The following PPP2R2B variants were observed in gnomAD, a reference collection of about 807,000 sequenced individuals.
The protein encoded by PPP2R2B is protein phosphatase 2 regulatory subunit Bbeta.
A neutral mutation model predicts 46.0 loss-of-function variants in PPP2R2B; 5 were observed. The ratio of observed to expected loss-of-function variants is 0.11; its 90% CI spans 0.06 to 0.23. The LOEUF (loss-of-function observed/expected upper bound fraction) is 0.23, where lower values mean the gene tolerates loss of function less well. PPP2R2B is among the 10% of genes least tolerant of loss of function. The pLI, the probability that PPP2R2B is intolerant of heterozygous loss-of-function variation, is 1.00. For synonymous variants in PPP2R2B, 215 were observed against 206.7 expected (o/e 1.04, Z -0.34); for missense variants, 367 against 575.0 (o/e 0.64, Z 3.70).
At chr5:146,599,638 T>A (rs1470987658) in intron 8 of PPP2R2B, among the ~76,000 whole-genome samples, 2 of 152,214 alleles carry the variant, frequency 1.3e-5, no homozygotes, top group Non-Finnish European at 2.9e-5. Context: ...ACACCAGGCC[T>A]TTGAACACAC....
intron 7 of PPP2R2B, among the ~76,000 whole-genome samples, chr5:146,600,683 CG>C (rs937829279): frequency 5.6e-4 from 85 of 152,178 alleles, no homozygotes; most frequent in African/African-American, 1.9e-3. Context: ...GCATGGGACC[CG>C]TCCCATCATA....
At chr5:146,683,930 G>A (rs1271349988) in intron 5 of PPP2R2B, among the ~76,000 whole-genome samples, 2 of 152,182 alleles carry the variant, frequency 1.3e-5, no homozygotes, top group East Asian at 3.8e-4. Context: ...CACTTTCAGG[G>A]CAGTCAATCA....
chr5:146,597,498 C>A (rs532207077), intron 8 of PPP2R2B, among the ~76,000 whole-genome samples: 1 of 152,284 alleles, frequency 6.6e-6, no homozygotes, highest in South Asian at 2.1e-4. Flanking sequence ...ATATATTCAA[C>A]AAGCTTGCCT....
At chr5:146,954,692 A>C (rs1203774356) in intron 1 of PPP2R2B, among the ~76,000 whole-genome samples, 2 of 152,024 alleles carry the variant, frequency 1.3e-5, no homozygotes, top group African/African-American at 4.8e-5. Flanking sequence ...GAGAGCCGAG[A>C]TCTTTAGAGA....
At chr5:146,596,594 G>A (rs1383954831) in intron 8 of PPP2R2B, among the ~76,000 whole-genome samples, 1 of 152,124 alleles carries the variant, frequency 6.6e-6, no homozygotes, top group Non-Finnish European at 1.5e-5. Context: ...AGCCACACAT[G>A]GGTCCTAGTT....
intron 2 of PPP2R2B, among the ~76,000 whole-genome samples, chr5:146,784,576 C>A (rs1263286828): frequency 6.6e-6 from 1 of 152,108 alleles, no homozygotes; most frequent in Non-Finnish European, 1.5e-5. Flanking sequence ...AACTGGAATT[C>A]TAAATATATA....
chr5:146,708,799 TA>T lies in PPP2R2B; in HGVS notation c.71-7658del, dbSNP rs538611000. Among the ~76,000 whole-genome samples, 563 of 152,118 alleles carry T rather than the reference TA, an allele frequency of 3.7e-3. 3 individuals are homozygous for T. Among genetic ancestry groups the T allele is most frequent in the African/African-American group, 0.012 (517 of 41,498 alleles). On this transcript the variant is annotated intron_variant, in intron 2 of 9. Coordinates refer to ENST00000394411, the MANE Select transcript of PPP2R2B (RefSeq NM_181675.4). The stretch of plus-strand genomic sequence containing the variant: ...GGATTCTGTTTGGATGGTATGGAGC[TA>T]AAAAAAATTCATCAATACACTTTTG...
At chr5:146,979,329 C>A (rs980864855) in intron 1 of PPP2R2B, among the ~76,000 whole-genome samples, 2 of 152,014 alleles carry the variant, frequency 1.3e-5, no homozygotes, top group African/African-American at 4.8e-5. Flanking sequence ...TTTTCTTTTT[C>A]TCCATAGAAT....
At chr5:147,017,415 G>A (rs1438788324) in intron 1 of PPP2R2B, among the ~76,000 whole-genome samples, 1 of 151,508 alleles carries the variant, frequency 6.6e-6, no homozygotes, top group Non-Finnish European at 1.5e-5. Context: ...AGGGGAGGGA[G>A]AGATTCGAGC....
At position 146,626,733 on chromosome 5, in the gene PPP2R2B, T is replaced by G. The variant is rs371331798; in HGVS notation, c.790+11518A>C. Among the ~76,000 whole-genome samples, 38 of 152,326 alleles carry G rather than the reference T, an allele frequency of 2.5e-4. No individual in the cohort carries two copies. The East Asian group carries it at 6.9e-3, about 28-fold the overall frequency. ...TATGGCCAATCTTTCCCATTCTGCA[T>G]GTCTTGGGGGCTGCAGCCATGTGTG... On this transcript the variant is annotated intron_variant, in intron 7 of 9. Transcript: ENST00000394411.
intron 1 of PPP2R2B, among the ~76,000 whole-genome samples, chr5:146,988,046 G>A (rs1753511385): frequency 6.6e-6 from 1 of 151,924 alleles, no homozygotes; most frequent in Non-Finnish European, 1.5e-5. Flanking sequence ...ATTGATGAAA[G>A]ATTCAATACA....
chr5:146,931,067 T>G (rs1763952678), intron 1 of PPP2R2B, among the ~76,000 whole-genome samples: 1 of 152,140 alleles, frequency 6.6e-6, no homozygotes, highest in Non-Finnish European at 1.5e-5. Flanking sequence ...TAATTTTTTT[T>G]TTAGTGCTCT....
At chr5:147,057,132 T>C (rs959040520), upstream of PPP2R2B, among the ~76,000 whole-genome samples, 2 of 152,150 alleles carry the variant, frequency 1.3e-5, no homozygotes, top group Middle Eastern at 3.2e-3. Flanking sequence ...AAAAACAAAG[T>C]CATTAGAGTG....
At chr5:147,077,275 T>TACACAC (rs370176510) in intron 2 of PPP2R2B, among the ~76,000 whole-genome samples, 6 of 140,474 alleles carry the variant, frequency 4.3e-5, no homozygotes, top group South Asian at 4.5e-4. Flanking sequence ...TATGTGTGTA[T>TACACAC]ACACACACAC....
Position 146,583,563 on chromosome 5 carries a change from C to T in PPP2R2B, c.*6384G>A, listed in dbSNP as rs1463740169. ...ATCCTGGGCTCTTGACATTCCACTGCCACCATTGCCTGTGAGTTTGTCTGC... is the reference window on the plus strand; with the variant it reads ...ATCCTGGGCTCTTGACATTCCACTGTCACCATTGCCTGTGAGTTTGTCTGC... On this transcript the variant is annotated 3_prime_UTR_variant, in exon 10 of 10. Coordinates refer to ENST00000394411, the MANE Select transcript of PPP2R2B (RefSeq NM_181675.4). 1 of 152,108 alleles carries T rather than the reference C, an allele frequency of 6.6e-6. No homozygotes were observed. Among genetic ancestry groups the T allele is most frequent in the Non-Finnish European group, 1.5e-5 (1 of 68,026 alleles). The allele number at this position is 152,108 out of a possible 1,614,324, so 9.4% of individuals were successfully genotyped here.
chr5:146,657,673 A>G (rs1776422814), intron 5 of PPP2R2B, among the ~76,000 whole-genome samples: 1 of 68,500 alleles, frequency 1.5e-5, no homozygotes, highest in African/African-American at 3.5e-5. Context: ...CAATTCATAA[A>G]CACTTCTGAG....
intron 1 of PPP2R2B, among the ~76,000 whole-genome samples, chr5:147,005,672 A>G (rs1330381738): frequency 1.3e-5 from 2 of 151,188 alleles, no homozygotes; most frequent in Middle Eastern, 3.2e-3. Flanking sequence ...ACAGGAAGTC[A>G]GAGAGAGAGA....
chr5:146,789,132 T>C (rs1407263966), intron 2 of PPP2R2B, among the ~76,000 whole-genome samples: 1 of 152,152 alleles, frequency 6.6e-6, no homozygotes, highest in Admixed American at 6.5e-5. Context: ...GAGGCTTTTG[T>C]TTTGCTCTGT....
intron 2 of PPP2R2B, among the ~76,000 whole-genome samples, chr5:146,832,379 C>CT (rs34269274): frequency 0.092 from 6,378 of 69,690 alleles, 899 homozygotes; most frequent in East Asian, 0.27. Flanking sequence ...CATTTTTAAT[C>CT]TTTTTTTTTT....
Sources: gnomAD v4.1 joint callset for allele counts (sites outside exome capture counted in the v4.1 genomes callset) on GRCh38, gnomAD v4.1.1 for gene constraint, MANE v1.5 for transcripts, NCBI Gene and HGNC (gene_info 2026-07-23, HGNC 2026-07-21) for gene names.